Variants in EXOC5 observed in about 807,000 individuals in gnomAD.
EXOC5 encodes exocyst complex component 5.
EXOC5 carries 17 observed loss-of-function variants against 90.8 expected under a neutral mutation model. That is an observed-to-expected ratio of 0.19 (90% CI 0.13 to 0.28). EXOC5 has a LOEUF of 0.28. EXOC5 is among the 10% of genes least tolerant of loss of function. EXOC5 has a pLI of 1.00. For missense variants in EXOC5, 569 were observed against 830.6 expected, an observed-to-expected ratio of 0.69 and a Z score of 3.87; for synonymous variants, 260 against 270.0, an observed-to-expected ratio of 0.96 and a Z score of 0.36.
At chr14:57,234,611 G>A (rs1422709026) in intron 7 of EXOC5, among the ~76,000 whole-genome samples, 1 of 148,428 alleles carries the variant, frequency 6.7e-6, no homozygotes, top group Non-Finnish European at 1.5e-5. Context: ...TGTCACCCAG[G>A]CTGGAATGCA....
intron 5 of EXOC5, 26 bp from the exon 6 acceptor site, chr14:57,237,392 G>A (rs908979140): frequency 1.3e-6 from 2 of 1,507,704 alleles, no homozygotes; most frequent in Admixed American, 4.0e-5. Context: ...CAACCATGAG[G>A]TTTGTTAGTT....
chr14:57,238,922 AAC>A (rs1883765564), intron 5 of EXOC5, among the ~76,000 whole-genome samples: 1 of 152,086 alleles, frequency 6.6e-6, no homozygotes, highest in Admixed American at 6.6e-5. Context: ...CTATTTTACC[AAC>A]AGTTTATTAA....
intron 1 of EXOC5, among the ~76,000 whole-genome samples, chr14:57,252,643 G>C (rs1884228181): frequency 6.6e-6 from 1 of 152,130 alleles, no homozygotes; most frequent in Admixed American, 6.5e-5. Flanking sequence ...ATAAGTGTTG[G>C]TGAAAATGTG....
intron 6 of EXOC5, 33 bp downstream of exon 6, chr14:57,237,305 T>C (rs1361564960): frequency 2.6e-6 from 3 of 1,167,982 alleles, no homozygotes; most frequent in Middle Eastern, 2.0e-4. Flanking sequence ...TTTTTACTTA[T>C]TAAAAAAAAG....
chr14:57,263,563 C>G (rs540475482), intron 1 of EXOC5, among the ~76,000 whole-genome samples: 2 of 151,310 alleles, frequency 1.3e-5, no homozygotes, highest in Admixed American at 1.3e-4. Context: ...GTCAGGAGTT[C>G]GAGACCAGCC....
chr14:57,256,421 G>C (rs573860675), intron 1 of EXOC5, among the ~76,000 whole-genome samples: 21 of 152,164 alleles, frequency 1.4e-4, no homozygotes, highest in Non-Finnish European at 2.5e-4. Context: ...GTAGAGGTGA[G>C]AGACAGTGAA....
intron 14 of EXOC5, among the ~76,000 whole-genome samples, chr14:57,219,081 A>T (rs1158880268): frequency 6.6e-6 from 1 of 152,096 alleles, no homozygotes; most frequent in Non-Finnish European, 1.5e-5. Flanking sequence ...GTGACAGATT[A>T]AATCTTTTGA....
rs1394653208 is a variant in EXOC5, at chr14:57,201,425, TATATACAC to T, written c.*7176_*7183del. ...TCAAGAGAATTCTGATTAGTATATA[TATATACAC>T]ACACACACGTGTGTATATATACACA... On this transcript the variant is annotated 3_prime_UTR_variant, in exon 18 of 18. Transcript: ENST00000621441. The T allele has an allele frequency of 8.3e-5, 10 of 120,840 alleles. No individual in the cohort carries two copies. Among genetic ancestry groups the T allele is most frequent in the African/African-American group, 4.9e-4 (9 of 18,210 alleles). The allele number at this position is 120,840 out of a possible 1,614,324, so 7.5% of individuals were successfully genotyped here.
intron 15 of EXOC5, among the ~76,000 whole-genome samples, chr14:57,213,653 G>C (rs963587348): frequency 1.3e-5 from 2 of 151,810 alleles, no homozygotes; most frequent in African/African-American, 4.8e-5. Context: ...CACTGTGCCT[G>C]GCCACAAAAA....
chr14:57,209,597 G>A lies in EXOC5; in HGVS notation c.1908C>T (p.Ala636=), dbSNP rs766053604. 5.0e-6 allele frequency: 8 copies of A among 1,612,432 alleles called. No individual in the cohort carries two copies. In the East Asian group the frequency reaches 6.7e-5, roughly 13 times the overall value. ...AGTCTTTGGCACACTTCCTATATTC[G>A]GCTACATCACAAATGGCCAACATGC... is the stretch of plus-strand genomic sequence containing the variant. The part of the protein sequence containing the change: ...MGGMLAICDV[A]EYRKCAKDFK... The change falls in exon 17 of 18, where the codon GCC becomes GCT. Residue 636 remains alanine (A), a synonymous_variant. Transcript: ENST00000621441.
At chr14:57,262,617 ATG>A (rs1265072225) in intron 1 of EXOC5, among the ~76,000 whole-genome samples, 3 of 147,114 alleles carry the variant, frequency 2.0e-5, no homozygotes, top group Non-Finnish European at 4.5e-5. Context: ...ATATACATAT[ATG>A]TATATATTTA....
chr14:57,207,137 C>G lies in EXOC5; in HGVS notation c.*1472G>C, dbSNP rs1374350369. On this transcript the variant is annotated 3_prime_UTR_variant, in exon 18 of 18. Transcript: ENST00000621441. The stretch of plus-strand genomic sequence containing the variant: ...CCCAGCTTACCTTGGTAACACTGGA[C>G]TAAACAGAAAATGAAGAAAATTCAG... 6.6e-6 allele frequency: 1 copy of G among 152,398 alleles called. No individual in the cohort carries two copies. Among genetic ancestry groups the G allele is most frequent in the African/African-American group, 2.4e-5 (1 of 41,394 alleles). 9.4% of individuals were successfully genotyped at this position (152,398 alleles called of 1,614,324 possible). A position where few individuals can be genotyped will look rare whatever the true frequency, so the allele number is the denominator to read the frequency against.
intron 12 of EXOC5, among the ~76,000 whole-genome samples, chr14:57,223,448 C>G (rs182897165): frequency 1.9e-3 from 289 of 152,020 alleles, no homozygotes; most frequent in Non-Finnish European, 3.2e-3. Flanking sequence ...TTTGAATTCC[C>G]ACTGATTATA....
At position 57,231,721 on chromosome 14, in the gene EXOC5, C is replaced by A; in HGVS notation, c.939-6G>T. ...TGCTGGAAAGATTGGTGGTTCTTTTCATGAAAAAGGGGGAGAAAAAGATTA... is the reference window on the plus strand; with the variant it reads ...TGCTGGAAAGATTGGTGGTTCTTTTAATGAAAAAGGGGGAGAAAAAGATTA... On this transcript the variant is annotated splice_region_variant and splice_polypyrimidine_tract_variant and intron_variant, in intron 10 of 17. Coordinates refer to ENST00000621441, the MANE Select transcript of EXOC5 (RefSeq NM_006544.4). 1 of 1,573,248 alleles carries A rather than the reference C, an allele frequency of 6.4e-7. No individual in the cohort carries two copies. Among genetic ancestry groups the A allele is most frequent in the South Asian group, 1.2e-5 (1 of 86,200 alleles).
At position 57,205,877 on chromosome 14, in the gene EXOC5, A is replaced by G; in HGVS notation, c.*2732T>C. The G allele has an allele frequency of 2.2e-6, 1 of 456,126 alleles. No homozygotes were observed. Among genetic ancestry groups the G allele is most frequent in the Non-Finnish European group, 4.4e-6 (1 of 226,648 alleles). The allele number at this position is 456,126 out of a possible 1,614,324, so 28.3% of individuals were successfully genotyped here. A position where few individuals can be genotyped will look rare whatever the true frequency, so the allele number is the denominator to read the frequency against. On this transcript the variant is annotated 3_prime_UTR_variant, in exon 18 of 18. Coordinates refer to ENST00000621441, the MANE Select transcript of EXOC5 (RefSeq NM_006544.4). ...ACTTGCAACTATGGCAATCCTCAAA[A>G]TGGGACCAAAAATTGTCCTGGAATG...
chr14:57,251,821 T>C (rs540661396), intron 1 of EXOC5, among the ~76,000 whole-genome samples: 1 of 151,476 alleles, frequency 6.6e-6, no homozygotes, highest in South Asian at 2.1e-4. Context: ...CTAAACAGAC[T>C]AAGAAAAAAA....
chr14:57,254,148 A>T (rs1488338807), intron 1 of EXOC5, among the ~76,000 whole-genome samples: 1 of 152,174 alleles, frequency 6.6e-6, no homozygotes, highest in East Asian at 1.9e-4. Context: ...AAGATGCCTA[A>T]CACTGGCTGG....
chr14:57,246,048 T>C (rs762049046), intron 3 of EXOC5, among the ~76,000 whole-genome samples: 1 of 151,124 alleles, frequency 6.6e-6, no homozygotes, highest in Non-Finnish European at 1.5e-5. Context: ...AAACTCTGTC[T>C]TAAAAAAAAA....
chr14:57,205,666 C>A lies in EXOC5; in HGVS notation c.*2943G>T, dbSNP rs1483128290. 1 of 338,424 alleles carries A rather than the reference C, an allele frequency of 3.0e-6. No homozygotes were observed. The highest frequency in any genetic ancestry group is 2.2e-5 in the African/African-American group (1 of 45,930). The allele number at this position is 338,424 out of a possible 1,614,324, so 21.0% of individuals were successfully genotyped here. On this transcript the variant is annotated 3_prime_UTR_variant, in exon 18 of 18. Transcript: ENST00000621441. ...AGTGAATTCTCCACTTGGAATCAATCTACTGATTGATAATTAAATTATTTC... is the reference window on the plus strand; with the variant it reads ...AGTGAATTCTCCACTTGGAATCAATATACTGATTGATAATTAAATTATTTC...
Sources: allele counts gnomAD v4.1 joint callset (sites outside exome capture counted in the v4.1 genomes callset), GRCh38; gene constraint gnomAD v4.1.1; transcripts MANE v1.5; gene names NCBI Gene and HGNC (gene_info 2026-07-23, HGNC 2026-07-21).